Variants in DNM1L observed in about 807,000 individuals in gnomAD.
The protein encoded by DNM1L is dynamin 1L, also known as dynamin-1-like protein.
Under a neutral mutation model 92.8 loss-of-function variants are expected in DNM1L, and 33 were observed. The observed-to-expected ratio is 0.36, with a 90% CI of 0.27 to 0.48. DNM1L has a LOEUF of 0.48. Among genes scored for constraint, DNM1L ranks in the 20% least tolerant of loss-of-function variants. The pLI, the probability that DNM1L is intolerant of heterozygous loss-of-function variation, is 0.99. For missense variants in DNM1L, 485 were observed against 888.8 expected (o/e 0.55, Z 5.78); for synonymous variants, 284 against 305.0 (o/e 0.93, Z 0.72).
rs137995023 is a variant in DNM1L, at chr12:32,744,901, A to T, written c.*1491A>T. On this transcript the variant is annotated 3_prime_UTR_variant, in exon 20 of 20. Coordinates refer to ENST00000549701, the MANE Select transcript of DNM1L (RefSeq NM_012062.5). ...AGATGTACTTAGAAATCCTTAAGAC[A>T]TCTAGCCCCGTCTCTAATAGACAAC... 837 of 514,020 alleles carry T rather than the reference A, an allele frequency of 1.6e-3. 6 individuals are homozygous for T. The highest frequency in any genetic ancestry group is 0.015 in the African/African-American group (778 of 51,806). 31.8% of individuals were successfully genotyped at this position (514,020 alleles called of 1,614,324 possible).
intron 1 of DNM1L, among the ~76,000 whole-genome samples, chr12:32,700,444 C>T (rs908335548): frequency 2.7e-5 from 4 of 150,422 alleles, no homozygotes; most frequent in Admixed American, 1.3e-4. Flanking sequence ...CTGATTATTA[C>T]ATTAAAAATA....
chr12:32,731,703 G>A lies in DNM1L; in HGVS notation c.1357-151G>A. ...AATTCAGTATTTCTGTGATCATTAA[G>A]TAAAAGAAAATGACTGTTAGCCTGG... On this transcript the variant is annotated intron_variant, in intron 11 of 19. Transcript: ENST00000549701. This position sits in a 1 kb window ranked among gnomAD's most constrained non-coding sequence, Gnocchi z 5.1. The A allele has an allele frequency of 1.0e-6, 1 of 973,214 alleles. No individual in the cohort carries two copies. Among genetic ancestry groups the A allele is most frequent in the South Asian group, 1.5e-5 (1 of 66,398 alleles). 60.3% of individuals were successfully genotyped at this position (973,214 alleles called of 1,614,324 possible). A position where few individuals can be genotyped will look rare whatever the true frequency, so the allele number is the denominator to read the frequency against.
chr12:32,732,529 C>G (rs935773194), intron 12 of DNM1L: 2 of 455,792 alleles, frequency 4.4e-6, no homozygotes, highest in African/African-American at 4.0e-5. Context: ...TCTTTCTGAT[C>G]ACTAAAAGTG....
chr12:32,685,016 C>T (rs893683568), intron 1 of DNM1L, among the ~76,000 whole-genome samples: 7 of 151,204 alleles, frequency 4.6e-5, no homozygotes, highest in Admixed American at 3.3e-4. Flanking sequence ...CTTGGCTCAC[C>T]GCAAGCTCCG....
At chr12:32,719,170 C>T (rs1953690612) in intron 7 of DNM1L, among the ~76,000 whole-genome samples, 1 of 152,046 alleles carries the variant, frequency 6.6e-6, no homozygotes, top group Admixed American at 6.6e-5. Context: ...AGGCTTGTCT[C>T]GACTTCCTGG....
intron 9 of DNM1L, among the ~76,000 whole-genome samples, chr12:32,730,642 A>C (rs1197954293): frequency 6.6e-6 from 1 of 152,232 alleles, no homozygotes; most frequent in Admixed American, 6.5e-5. Context: ...CCTTTATGGA[A>C]AAAGTTTGCC....
rs972264615 is a variant in DNM1L, at chr12:32,686,045, C to CTTTTTTTTT, written c.102+6594_102+6602dup. Among the ~76,000 whole-genome samples the CTTTTTTTTT allele has an allele frequency of 2.2e-4, 18 of 82,690 alleles. 1 individual carries two copies. The highest frequency in any genetic ancestry group is 7.2e-4 in the African/African-American group (12 of 16,636). The allele number at this position is 82,690 out of a possible 152,430, so 54.2% of individuals were successfully genotyped here. A position where few individuals can be genotyped will look rare whatever the true frequency, so the allele number is the denominator to read the frequency against. ...GAAATTTGCAGAACATAAAATTAGC[C>CTTTTTTTTT]TTTTTTTTTTTTTTTTTTTTTTGAG... is the stretch of plus-strand genomic sequence containing the variant. On this transcript the variant is annotated intron_variant, in intron 1 of 19. Transcript: ENST00000549701.
intron 1 of DNM1L, among the ~76,000 whole-genome samples, chr12:32,681,972 C>G (rs958698441): frequency 6.6e-6 from 1 of 151,742 alleles, no homozygotes; most frequent in African/African-American, 2.4e-5. Context: ...CCAGCCTGGG[C>G]GACAGAGTGA....
At chr12:32,712,260 G>C (rs1257321362) in intron 5 of DNM1L, among the ~76,000 whole-genome samples, 1 of 152,120 alleles carries the variant, frequency 6.6e-6, no homozygotes, top group Non-Finnish European at 1.5e-5. Context: ...AGTTATTACA[G>C]AGGTCTAAAA....
At chr12:32,713,471 G>C in intron 6 of DNM1L, 100 bp downstream of exon 6, 1 of 1,248,996 alleles carries the variant, frequency 8.0e-7, no homozygotes, top group Admixed American at 1.8e-5. Context: ...CTCTGGTTTT[G>C]AATACAAATT....
intron 16 of DNM1L, among the ~76,000 whole-genome samples, chr12:32,738,783 T>C (rs1955083451): frequency 6.6e-6 from 1 of 152,006 alleles, no homozygotes; most frequent in Non-Finnish European, 1.5e-5. Flanking sequence ...TTGATAACCA[T>C]TTTAGAGGAA....
intron 9 of DNM1L, among the ~76,000 whole-genome samples, chr12:32,730,474 G>A (rs1485300887): frequency 2.0e-5 from 3 of 152,216 alleles, no homozygotes; most frequent in Non-Finnish European, 2.9e-5. Flanking sequence ...AGGTCAAGGC[G>A]GGCGGATCAC....
At chr12:32,708,262 G>A (rs753762435) in intron 4 of DNM1L, 38 bp downstream of exon 4, 1 of 1,271,254 alleles carries the variant, frequency 7.9e-7, no homozygotes, top group South Asian at 1.2e-5. Flanking sequence ...ATAAGCATCA[G>A]TAAATATATA....
rs937678880 is a variant in DNM1L at position 32,744,401 on chromosome 12, G to A, written c.*991G>A. On this transcript the variant is annotated 3_prime_UTR_variant, in exon 20 of 20. Transcript: ENST00000549701. ...ATATATTTATTAGAATAGTATGAAA[G>A]TACTGGAGGAGCTGAAAGAAAAACA... 2 of 161,270 alleles carry A rather than the reference G, an allele frequency of 1.2e-5. No homozygotes were observed. The highest frequency in any genetic ancestry group is 2.7e-5 in the Non-Finnish European group (2 of 74,810). 10.0% of individuals were successfully genotyped at this position (161,270 alleles called of 1,614,324 possible).
intron 12 of DNM1L, chr12:32,732,702 C>A: frequency 2.4e-6 from 1 of 412,772 alleles, no homozygotes; most frequent in Non-Finnish European, 4.8e-6. Flanking sequence ...ATTGGACCTT[C>A]ATTTTAATAG....
chr12:32,718,842 G>A, intron 7 of DNM1L, 79 bp downstream of exon 7: 1 of 1,578,454 alleles, frequency 6.3e-7, no homozygotes, highest in Admixed American at 1.7e-5. Context: ...GAGCAAGTCT[G>A]AATTTCTAAA....
At chr12:32,738,635 T>C (rs1435369006) in intron 16 of DNM1L, among the ~76,000 whole-genome samples, 4 of 152,202 alleles carry the variant, frequency 2.6e-5, no homozygotes, top group Admixed American at 2.6e-4. Flanking sequence ...TCAGTACTAA[T>C]AGATCTAATG....
Sources: gnomAD v4.1 joint callset for allele counts (sites outside exome capture counted in the v4.1 genomes callset) on GRCh38, gnomAD v4.1.1 for gene constraint, Gnocchi (gnomAD v3.1) non-coding constraint, MANE v1.5 for transcripts, NCBI Gene and HGNC (gene_info 2026-07-23, HGNC 2026-07-21) for gene names.